CAMK2D: variants seen among roughly 807,000 people sequenced by gnomAD.
The protein encoded by CAMK2D is calcium/calmodulin dependent protein kinase II delta.
A neutral mutation model predicts 84.0 loss-of-function variants in CAMK2D; 37 were observed. That is an observed-to-expected ratio of 0.44 (90% CI 0.34 to 0.58). CAMK2D has a LOEUF of 0.58. Among genes scored for constraint, CAMK2D ranks in the 20% least tolerant of loss-of-function variants. CAMK2D has a pLI of 0.02. For missense variants in CAMK2D, 448 were observed against 652.5 expected (o/e 0.69, Z 3.41); for synonymous variants, 202 against 212.5 (o/e 0.95, Z 0.43).
chr4:113,500,139 T>G (rs1325806188), intron 16 of CAMK2D, among the ~76,000 whole-genome samples: 1 of 152,186 alleles, frequency 6.6e-6, no homozygotes, highest in Non-Finnish European at 1.5e-5. Flanking sequence ...ACATTTTATA[T>G]TACTTTTTGA....
Position 113,698,555 on chromosome 4 carries a change from T to C in CAMK2D, c.161-36783A>G, listed in dbSNP as rs2099409613. Among the ~76,000 whole-genome samples, 3 of 152,256 alleles carry C rather than the reference T, an allele frequency of 2.0e-5. No individual in the cohort carries two copies. The South Asian group carries it at 6.2e-4, about 32-fold the overall frequency. The stretch of plus-strand genomic sequence containing the variant: ...ATTATTATCTTACACACTTTTATTT[T>C]CTAGTAGTTTGTATTTTAATTTAAA... On this transcript the variant is annotated intron_variant, in intron 2 of 20. Transcript: ENST00000511664.
At chr4:113,741,427 A>T (rs1380844472) in intron 2 of CAMK2D, among the ~76,000 whole-genome samples, 1 of 152,166 alleles carries the variant, frequency 6.6e-6, no homozygotes, top group African/African-American at 2.4e-5. Flanking sequence ...CTATTTTATT[A>T]GTACTTGCTC....
chr4:113,669,720 C>T (rs1264391096), intron 2 of CAMK2D, among the ~76,000 whole-genome samples: 3 of 152,114 alleles, frequency 2.0e-5, no homozygotes, highest in Non-Finnish European at 4.4e-5. Context: ...CTGCATGTTC[C>T]AAGATATGAA....
chr4:113,500,174 T>G lies in CAMK2D; in HGVS notation c.1135+289A>C, dbSNP rs955313128. 2.0e-5 allele frequency among the ~76,000 whole-genome samples: 3 copies of G among 152,194 alleles called. No individual in the cohort carries two copies. In the East Asian group the frequency reaches 5.8e-4, roughly 29 times the overall value. ...ACTGACAAATTTACAATTTGTTATG[T>G]TCCTATAACTAGTAACTCATTATTA... On this transcript the variant is annotated intron_variant, in intron 16 of 20. Transcript: ENST00000511664.
intron 16 of CAMK2D, among the ~76,000 whole-genome samples, chr4:113,468,027 A>G (rs905668687): frequency 6.6e-6 from 1 of 152,032 alleles, no homozygotes; most frequent in Non-Finnish European, 1.5e-5. Flanking sequence ...AAATGAGCAT[A>G]AGATCAACGT....
Position 113,759,427 on chromosome 4 carries a change from A to G in CAMK2D, c.66-13T>C. 1 of 1,460,372 alleles carries G rather than the reference A, an allele frequency of 6.8e-7. No individual in the cohort carries two copies. Among genetic ancestry groups the G allele is most frequent in the Non-Finnish European group, 9.5e-7 (1 of 1,050,476 alleles). The allele number at this position is 1,460,372 out of a possible 1,614,324, so 90.5% of individuals were successfully genotyped here. A position where few individuals can be genotyped will look rare whatever the true frequency, so the allele number is the denominator to read the frequency against. ...TGAGAATGCCCCCCTGGAAACCAATAATTAGCAGGTCATTAATATAACAGA... is the reference window on the plus strand; with the variant it reads ...TGAGAATGCCCCCCTGGAAACCAATGATTAGCAGGTCATTAATATAACAGA... On this transcript the variant is annotated splice_polypyrimidine_tract_variant and intron_variant, in intron 1 of 20. Transcript: ENST00000511664.
At chr4:113,723,648 A>G (rs1593596655) in intron 2 of CAMK2D, among the ~76,000 whole-genome samples, 2 of 150,286 alleles carry the variant, frequency 1.3e-5, no homozygotes, top group African/African-American at 5.0e-5. Flanking sequence ...GCAATTAACA[A>G]TTTCAAAACT....
intron 4 of CAMK2D, among the ~76,000 whole-genome samples, chr4:113,557,998 T>C (rs960672704): frequency 2.0e-5 from 3 of 152,202 alleles, no homozygotes; most frequent in Admixed American, 2.0e-4. Context: ...CCCTGAGATG[T>C]ACAGTTCTTG....
intron 4 of CAMK2D, among the ~76,000 whole-genome samples, chr4:113,591,947 A>G (rs529768275): frequency 6.6e-6 from 1 of 152,084 alleles, no homozygotes; most frequent in African/African-American, 2.4e-5. Context: ...TCTTGTCTCT[A>G]CTAGGTTGTA....
intron 3 of CAMK2D, among the ~76,000 whole-genome samples, chr4:113,653,607 G>T (rs1251438854): frequency 6.6e-6 from 1 of 151,930 alleles, no homozygotes; most frequent in Non-Finnish European, 1.5e-5. Context: ...ACTTTTAATT[G>T]TCATTCATAA....
chr4:113,625,910 A>G (rs187376064), intron 3 of CAMK2D, among the ~76,000 whole-genome samples: 44 of 152,104 alleles, frequency 2.9e-4, no homozygotes, highest in Middle Eastern at 3.4e-3. Context: ...GCCACTCTAG[A>G]GGCTAAGGTG....
At chr4:113,687,393 C>T (rs1482739088) in intron 2 of CAMK2D, among the ~76,000 whole-genome samples, 2 of 152,186 alleles carry the variant, frequency 1.3e-5, no homozygotes, top group Admixed American at 6.5e-5. Context: ...CACAAACCCT[C>T]TTCTTAAGGG....
chr4:113,623,934 G>A (rs371372810), intron 3 of CAMK2D, among the ~76,000 whole-genome samples: 9 of 151,892 alleles, frequency 5.9e-5, no homozygotes, highest in African/African-American at 1.5e-4. Flanking sequence ...ATACATCACC[G>A]AGCCAGGATT....
chr4:113,465,408 T>C (rs1303812114), intron 17 of CAMK2D, 121 bp downstream of exon 17: 2 of 644,542 alleles, frequency 3.1e-6, no homozygotes, highest in Admixed American at 5.5e-5. Context: ...GAAATAAAAC[T>C]ATTGTTAACA....
At chr4:113,607,697 T>C (rs2098983849) in intron 4 of CAMK2D, among the ~76,000 whole-genome samples, 1 of 152,010 alleles carries the variant, frequency 6.6e-6, no homozygotes, top group Non-Finnish European at 1.5e-5. Flanking sequence ...GTCCCACCCC[T>C]ATCTCCCTTT....
chr4:113,558,865 C>T (rs936609479), intron 4 of CAMK2D, among the ~76,000 whole-genome samples: 1 of 151,904 alleles, frequency 6.6e-6, no homozygotes, highest in Non-Finnish European at 1.5e-5. Flanking sequence ...ACCTGTAGTC[C>T]CAGCTACCCA....
At chr4:113,695,236 A>AAAAT (rs2099399206) in intron 2 of CAMK2D, among the ~76,000 whole-genome samples, 1 of 140,318 alleles carries the variant, frequency 7.1e-6, no homozygotes, top group Non-Finnish European at 1.5e-5. Flanking sequence ...AAAATAAAGA[A>AAAAT]AAATAAACTA....
chr4:113,528,493 GGA>G (rs1214932876), intron 8 of CAMK2D, among the ~76,000 whole-genome samples: 5 of 152,072 alleles, frequency 3.3e-5, no homozygotes, highest in African/African-American at 1.2e-4. Flanking sequence ...AGGAAAACAA[GGA>G]GAGATAAACA....
At chr4:113,753,702 T>G (rs11732988) in intron 2 of CAMK2D, 1 of 660,326 alleles carries the variant, frequency 1.5e-6, no homozygotes, top group East Asian at 1.4e-4. Context: ...ATTTACCATA[T>G]GAATAACATA....
Sources: gnomAD v4.1 joint callset for allele counts (sites outside exome capture counted in the v4.1 genomes callset) on GRCh38, gnomAD v4.1.1 for gene constraint, MANE v1.5 for transcripts, NCBI Gene and HGNC (gene_info 2026-07-23, HGNC 2026-07-21) for gene names.